Variants in UNC5C observed in about 807,000 individuals in gnomAD.
The protein encoded by UNC5C is netrin receptor UNC5C.
A neutral mutation model predicts 99.8 loss-of-function variants in UNC5C; 47 were observed. The observed-to-expected ratio is 0.47, with a 90% CI of 0.37 to 0.60. The LOEUF (loss-of-function observed/expected upper bound fraction) is 0.60. Among genes scored for constraint, UNC5C ranks in the 20% least tolerant of loss-of-function variants. The probability of loss-of-function intolerance (pLI) is 0.00; values close to 1 mark genes in which losing one functional copy is unlikely to be tolerated. For synonymous variants in UNC5C, 487 were observed against 452.2 expected (o/e 1.08, Z -0.98); for missense variants, 1,062 against 1,165.9 (o/e 0.91, Z 1.30).
intron 2 of UNC5C, among the ~76,000 whole-genome samples, chr4:95,312,382 G>T (rs1742307294): frequency 6.6e-6 from 1 of 152,236 alleles, no homozygotes; most frequent in South Asian, 2.1e-4. Context: ...ATAAGTGAAT[G>T]ATCTGTACAT....
chr4:95,244,118 C>CCAAATTAGG (rs999889489), intron 6 of UNC5C, among the ~76,000 whole-genome samples: 1 of 151,908 alleles, frequency 6.6e-6, no homozygotes, highest in African/African-American at 2.4e-5. Context: ...ATAAACATGA[C>CCAAATTAGG]CAAATTAGGC....
intron 1 of UNC5C, among the ~76,000 whole-genome samples, chr4:95,506,226 G>A (rs139097093): frequency 8.9e-4 from 136 of 152,114 alleles, no homozygotes; most frequent in African/African-American, 3.0e-3. Flanking sequence ...TAAATTGGAA[G>A]TAAAATCACA....
At chr4:95,262,522 G>A (rs1346351532) in intron 4 of UNC5C, among the ~76,000 whole-genome samples, 2 of 151,952 alleles carry the variant, frequency 1.3e-5, no homozygotes, top group African/African-American at 4.8e-5. Flanking sequence ...AGGCGAGCAG[G>A]GATGAAAACC....
chr4:95,204,056 T>G (rs7693021), intron 11 of UNC5C, among the ~76,000 whole-genome samples: 10,450 of 151,942 alleles, frequency 0.069, 783 homozygotes, highest in African/African-American at 0.19. Context: ...AAGAAGGAGC[T>G]CAGGGAAATT....
chr4:95,340,446 TTACAACAAAA>T, intron 1 of UNC5C, among the ~76,000 whole-genome samples: 1 of 152,084 alleles, frequency 6.6e-6, no homozygotes, highest in Non-Finnish European at 1.5e-5. Flanking sequence ...TCATGATATA[TTACAACAAAA>T]GGCAGCTGGA....
rs1383127317 is a variant in UNC5C at position 95,255,418 on chromosome 4, CCTT to C, written c.595-4754_595-4752del. 1.2e-4 allele frequency among the ~76,000 whole-genome samples: 18 copies of C among 152,260 alleles called. No individual in the cohort carries two copies. In the East Asian group the frequency reaches 3.1e-3, roughly 26 times the overall value. ...ATTATGTTTTCATTGTTCACTTTCT[CCTT>C]CTCCTAGATAACTATTTCACACTCC... On this transcript the variant is annotated intron_variant, in intron 4 of 15. Coordinates refer to ENST00000453304, the MANE Select transcript of UNC5C (RefSeq NM_003728.4).
At chr4:95,465,912 C>T (rs1337801996) in intron 1 of UNC5C, among the ~76,000 whole-genome samples, 2 of 152,070 alleles carry the variant, frequency 1.3e-5, no homozygotes, top group East Asian at 1.9e-4. Context: ...CTTTTCTTTG[C>T]CATACTTTGA....
intron 7 of UNC5C, among the ~76,000 whole-genome samples, chr4:95,234,860 A>C (rs951675412): frequency 3.3e-5 from 5 of 152,350 alleles, no homozygotes; most frequent in Admixed American, 6.5e-5. Context: ...AGAGCTTCTG[A>C]AATTGTTTAA....
intron 12 of UNC5C, among the ~76,000 whole-genome samples, chr4:95,188,892 G>A (rs562504251): frequency 1.3e-5 from 2 of 152,130 alleles, no homozygotes; most frequent in Non-Finnish European, 2.9e-5. Flanking sequence ...TGGGGGTTGG[G>A]GGGTGACCTG....
intron 14 of UNC5C, among the ~76,000 whole-genome samples, chr4:95,179,803 A>G (rs1329983267): frequency 1.3e-5 from 2 of 151,920 alleles, no homozygotes; most frequent in African/African-American, 4.8e-5. Context: ...GCCCCCTAAA[A>G]CTGCACCTTT....
intron 1 of UNC5C, among the ~76,000 whole-genome samples, chr4:95,455,779 T>C (rs927352842): frequency 6.6e-6 from 1 of 152,162 alleles, no homozygotes; most frequent in South Asian, 2.1e-4. Context: ...GTCCTTGAGA[T>C]ATTAGTTCAA....
intron 12 of UNC5C, among the ~76,000 whole-genome samples, chr4:95,187,201 A>G (rs1736866225): frequency 6.6e-6 from 1 of 151,886 alleles, no homozygotes; most frequent in African/African-American, 2.4e-5. Flanking sequence ...ATGTTTGTTT[A>G]TAAGCCATTA....
intron 1 of UNC5C, among the ~76,000 whole-genome samples, chr4:95,508,461 T>A (rs764008174): frequency 6.6e-6 from 1 of 152,026 alleles, no homozygotes; most frequent in Non-Finnish European, 1.5e-5. Context: ...CTGTACAATC[T>A]GATCTTGTTA....
At chr4:95,494,063 C>T (rs2149482236) in intron 1 of UNC5C, among the ~76,000 whole-genome samples, 1 of 151,476 alleles carries the variant, frequency 6.6e-6, no homozygotes, top group African/African-American at 2.4e-5. Flanking sequence ...GTTATTTCGG[C>T]TCACTCCAGG....
intron 4 of UNC5C, among the ~76,000 whole-genome samples, chr4:95,254,679 A>G (rs560522521): frequency 6.6e-6 from 1 of 152,304 alleles, no homozygotes; most frequent in South Asian, 2.1e-4. Context: ...TATCCACACT[A>G]AAGTTTGAGA....
intron 7 of UNC5C, chr4:95,222,335 A>C: frequency 1.1e-6 from 1 of 905,914 alleles, no homozygotes; most frequent in Non-Finnish European, 1.6e-6. Context: ...GAAAATAGGA[A>C]GCATGAAAAA....
intron 1 of UNC5C, among the ~76,000 whole-genome samples, chr4:95,427,621 A>T (rs987327139): frequency 3.3e-5 from 5 of 152,204 alleles, no homozygotes; most frequent in Non-Finnish European, 5.9e-5. Flanking sequence ...AAGTTTTTTT[A>T]AAAAATTAAG....
chr4:95,431,319 C>A (rs1746629585), intron 1 of UNC5C, among the ~76,000 whole-genome samples: 1 of 151,990 alleles, frequency 6.6e-6, no homozygotes, highest in Non-Finnish European at 1.5e-5. Context: ...ATCTCGAAAG[C>A]CTGTTAAAAC....
rs148076781 is a variant in UNC5C, at chr4:95,447,084, A to G, written c.124+101650T>C. ...ATAGAATCAAGATGTGTTCCTCTGT[A>G]GCATGATCATAATGTTGTATTTTAT... On this transcript the variant is annotated intron_variant, in intron 1 of 15. Coordinates refer to ENST00000453304, the MANE Select transcript of UNC5C (RefSeq NM_003728.4). Among the ~76,000 whole-genome samples, 585 of 152,340 alleles carry G rather than the reference A, an allele frequency of 3.8e-3. 4 individuals carry two copies. The highest frequency in any genetic ancestry group is 0.013 in the African/African-American group (532 of 41,570).
Sources: gnomAD v4.1 joint callset for allele counts (sites outside exome capture counted in the v4.1 genomes callset) on GRCh38, gnomAD v4.1.1 for gene constraint, MANE v1.5 for transcripts, NCBI Gene and HGNC (gene_info 2026-07-23, HGNC 2026-07-21) for gene names.